Variants in CENPC observed in about 807,000 individuals in gnomAD.
CENPC encodes the protein centromere protein C.
A neutral mutation model predicts 112.1 loss-of-function variants in CENPC; 63 were observed. The observed-to-expected ratio is 0.56, with a 90% confidence interval of 0.46 to 0.69. The LOEUF is 0.69. Among genes scored for constraint, CENPC ranks in the 30% least tolerant of loss-of-function variants. The pLI is 0.00. For missense variants in CENPC, 1,000 were observed against 1,103.8 expected (o/e 0.91, Z 1.33); for synonymous variants, 333 against 367.6 (o/e 0.91, Z 1.08).
intron 9 of CENPC, 56 bp downstream of exon 9, chr4:67,512,346 C>G: frequency 8.2e-7 from 1 of 1,214,434 alleles, no homozygotes; most frequent in Non-Finnish European, 1.2e-6. Flanking sequence ...AAACATAATG[C>G]CCCTTACAGA....
In CENPC at chr4:67,506,858, A is replaced by G. The variant is rs760019599; in HGVS notation, c.1981T>C (p.Tyr661His). 1.2e-6 allele frequency: 2 copies of G among 1,612,512 alleles called. No individual in the cohort carries two copies. The highest frequency in any genetic ancestry group is 4.5e-5 in the East Asian group (2 of 44,798). The change falls in exon 11 of 19, where the codon TAT becomes CAT. Residue 661 changes from tyrosine to histidine, a missense_variant. Tyr to His is a moderately conservative substitution (Grantham distance 83). Coordinates refer to ENST00000273853, the MANE Select transcript of CENPC (RefSeq NM_001812.4). ...NVPLKPQTSG[Y>H]TCNIPTESNL... ...GACTCTGTTGGTATATTACATGTAT[A>G]TCCACTGGTCTGAGGCTTTAGGGGA...
At chr4:67,518,104 T>C in intron 7 of CENPC, 52 bp downstream of exon 7, 1 of 992,396 alleles carries the variant, frequency 1.0e-6, no homozygotes, top group Non-Finnish European at 1.5e-6. Context: ...TATATATGGT[T>C]CATAGAATAT....
At chr4:67,494,108 G>A in intron 13 of CENPC, 120 bp from the exon 14 acceptor site, 5 of 530,034 alleles carry the variant, frequency 9.4e-6, no homozygotes, top group South Asian at 3.9e-5. Context: ...TATTTTTCTA[G>A]ACAAAAGACT....
chr4:67,519,136 A>G (rs1726143940), intron 6 of CENPC, 81 bp downstream of exon 6: 2 of 995,270 alleles, frequency 2.0e-6, no homozygotes, highest in Non-Finnish European at 1.4e-6. Context: ...GTAAAATAAT[A>G]TAACAAGATT....
intron 7 of CENPC, 107 bp downstream of exon 7, chr4:67,518,049 T>C (rs1726109258): frequency 1.6e-6 from 1 of 616,052 alleles, no homozygotes; most frequent in African/African-American, 1.9e-5. Context: ...AAAATTTTTG[T>C]TAATTAAATT....
At chr4:67,509,193 TAAAC>T in intron 9 of CENPC, 88 bp from the exon 10 acceptor site, 2 of 739,644 alleles carry the variant, frequency 2.7e-6, no homozygotes, top group Non-Finnish European at 4.3e-6. Context: ...TATTTGCATA[TAAAC>T]ATATACACAT....
rs1447662740 is a variant in CENPC, at chr4:67,491,458, T to G, written c.2515+722A>C. ...TATTTAAATATTTCATATATATATATATATATATATATATATATATATAGA... is the reference window on the plus strand; with the variant it reads ...TATTTAAATATTTCATATATATATAGATATATATATATATATATATATAGA... On this transcript the variant is annotated intron_variant, in intron 16 of 18. Transcript: ENST00000273853. Among the ~76,000 whole-genome samples the G allele has an allele frequency of 1.8e-3, 84 of 45,618 alleles. 2 individuals carry two copies. The highest frequency in any genetic ancestry group is 4.6e-3 in the South Asian group (5 of 1,084). 29.9% of individuals were successfully genotyped at this position (45,618 alleles called of 152,430 possible).
chr4:67,507,048 A>C, intron 10 of CENPC, 114 bp from the exon 11 acceptor site: 1 of 686,012 alleles, frequency 1.5e-6, no homozygotes, highest in Non-Finnish European at 2.3e-6. Flanking sequence ...AACGAATATC[A>C]GATCACCCTG....
intron 4 of CENPC, among the ~76,000 whole-genome samples, chr4:67,538,352 T>C (rs1362777774): frequency 6.6e-6 from 1 of 152,198 alleles, no homozygotes; most frequent in Non-Finnish European, 1.5e-5. Flanking sequence ...CAGTGGACCT[T>C]GGCTTTAGAG....
chr4:67,509,179 T>C, intron 9 of CENPC, 74 bp from the exon 10 acceptor site: 10 of 954,690 alleles, frequency 1.0e-5, no homozygotes, highest in Non-Finnish European at 1.4e-5. Context: ...ACCAACAGCA[T>C]TTATATTTGC....
At chr4:67,474,824 T>C in intron 18 of CENPC, 64 bp downstream of exon 18, 1 of 905,050 alleles carries the variant, frequency 1.1e-6, no homozygotes, top group Non-Finnish European at 1.8e-6. Context: ...CACTGTGGCT[T>C]CCATTTCCAT....
At position 67,518,418 on chromosome 4, in the gene CENPC, A is replaced by T. The variant is rs538082039; in HGVS notation, c.618-50T>A. On this transcript the variant is annotated intron_variant, in intron 6 of 18. Transcript: ENST00000273853. ...CTGAATGCTCCCGTAACGTTTCTTG[A>T]GTTATAAGTCTTCCTGAACTCCTTT... 4.8e-6 allele frequency: 7 copies of T among 1,451,194 alleles called. No individual in the cohort carries two copies. The African/African-American group carries it at 1.0e-4, about 21-fold the overall frequency. 89.9% of individuals were successfully genotyped at this position (1,451,194 alleles called of 1,614,324 possible). A position where few individuals can be genotyped will look rare whatever the true frequency, so the allele number is the denominator to read the frequency against.
At chr4:67,531,005 A>G in intron 4 of CENPC, 91 bp from the exon 5 acceptor site, 2 of 586,554 alleles carry the variant, frequency 3.4e-6, no homozygotes, top group East Asian at 3.4e-5. Flanking sequence ...GGGAAAAACA[A>G]GTATTCTAAA....
At chr4:67,477,359 A>C (rs1040957173) in intron 17 of CENPC, among the ~76,000 whole-genome samples, 7 of 152,332 alleles carry the variant, frequency 4.6e-5, no homozygotes, top group Non-Finnish European at 5.9e-5. Flanking sequence ...AGAGACCTGA[A>C]GACAGATCAT....
At chr4:67,491,452 T>TATATAA (rs1208603238) in intron 16 of CENPC, among the ~76,000 whole-genome samples, 27 of 28,266 alleles carry the variant, frequency 9.6e-4, no homozygotes, top group African/African-American at 2.8e-3. Context: ...ATTTCATATA[T>TATATAA]ATATATATAT....
intron 17 of CENPC, among the ~76,000 whole-genome samples, chr4:67,475,367 C>CCAA (rs1369946908): frequency 6.6e-6 from 1 of 152,200 alleles, no homozygotes; most frequent in African/African-American, 2.4e-5. Context: ...GACACCCTGG[C>CCAA]CAACAGCCAG....
chr4:67,499,281 A>T (rs553724772), intron 12 of CENPC, among the ~76,000 whole-genome samples: 5 of 152,292 alleles, frequency 3.3e-5, no homozygotes, highest in Admixed American at 3.3e-4. Flanking sequence ...TCATGCATTG[A>T]CTTCTCCTCA....
intron 5 of CENPC, among the ~76,000 whole-genome samples, chr4:67,526,075 C>G (rs1490616097): frequency 6.6e-6 from 1 of 151,922 alleles, no homozygotes; most frequent in East Asian, 1.9e-4. Context: ...AACAGAAAAC[C>G]AAACACTGCA....
intron 4 of CENPC, among the ~76,000 whole-genome samples, chr4:67,534,935 T>G (rs1726672066): frequency 6.6e-6 from 1 of 152,090 alleles, no homozygotes; most frequent in Admixed American, 6.6e-5. Context: ...TGAAAAGGGT[T>G]AGATGAACCT....
Sources: gnomAD v4.1 joint callset for allele counts (sites outside exome capture counted in the v4.1 genomes callset) on GRCh38, gnomAD v4.1.1 for gene constraint, MANE v1.5 for transcripts, NCBI Gene and HGNC (gene_info 2026-07-23, HGNC 2026-07-21) for gene names.